Variants in NRG1 observed in about 807,000 individuals in gnomAD.
NRG1 encodes the protein neuregulin 1, also known as pro-neuregulin-1, membrane-bound isoform.
A neutral mutation model predicts 63.8 loss-of-function variants in NRG1; 18 were observed. The observed-to-expected ratio is 0.28, with a 90% CI of 0.19 to 0.42. The LOEUF is 0.42. Among genes scored for constraint, NRG1 ranks in the 10% least tolerant of loss-of-function variants. NRG1 has a pLI of 1.00. For missense variants in NRG1, 762 were observed against 814.7 expected (o/e 0.94, Z 0.79); for synonymous variants, 302 against 301.3 (o/e 1.00, Z -0.02).
intron 1 of NRG1, among the ~76,000 whole-genome samples, chr8:32,199,397 C>T (rs1461114426): frequency 6.6e-6 from 1 of 152,196 alleles, no homozygotes; most frequent in Non-Finnish European, 1.5e-5. Flanking sequence ...ATACTTTTCT[C>T]ATCTATCATC....
chr8:32,736,910 T>C (rs781177481), intron 6 of NRG1, among the ~76,000 whole-genome samples: 10 of 152,084 alleles, frequency 6.6e-5, no homozygotes, highest in Non-Finnish European at 1.0e-4. Context: ...AAATGGAAAA[T>C]AATTTATTCA....
intron 1 of NRG1, among the ~76,000 whole-genome samples, chr8:31,853,068 G>A (rs1827428126): frequency 6.6e-6 from 1 of 151,852 alleles, no homozygotes; most frequent in Non-Finnish European, 1.5e-5. Context: ...TTGTTCTTTT[G>A]GCTCAGGATT....
At chr8:32,478,489 AT>A (rs1824823741) in intron 1 of NRG1, among the ~76,000 whole-genome samples, 1 of 152,234 alleles carries the variant, frequency 6.6e-6, no homozygotes, top group Non-Finnish European at 1.5e-5. Flanking sequence ...TTATTTATTT[AT>A]TTGATACTGT....
intron 1 of NRG1, among the ~76,000 whole-genome samples, chr8:32,191,554 G>A (rs533016052): frequency 7.0e-4 from 106 of 152,234 alleles, no homozygotes; most frequent in African/African-American, 1.8e-3. Flanking sequence ...CTTTTTTGCC[G>A]TAAGAGAAAA....
intron 6 of NRG1, among the ~76,000 whole-genome samples, chr8:32,734,770 A>G (rs1824578441): frequency 6.6e-6 from 1 of 152,202 alleles, no homozygotes; most frequent in African/African-American, 2.4e-5. Context: ...GATTCAGTTT[A>G]GGTGTAGTTT....
intron 1 of NRG1, among the ~76,000 whole-genome samples, chr8:32,110,548 C>T (rs1202075254): frequency 1.3e-5 from 2 of 152,162 alleles, no homozygotes; most frequent in Non-Finnish European, 2.9e-5. Flanking sequence ...GTGAGAATCT[C>T]TCCTTTCTTT....
intron 1 of NRG1, among the ~76,000 whole-genome samples, chr8:31,833,425 G>A (rs921318777): frequency 2.6e-5 from 4 of 152,180 alleles, no homozygotes; most frequent in Non-Finnish European, 2.9e-5. Flanking sequence ...TTCTTACCCC[G>A]GAGTGATTAC....
intron 1 of NRG1, among the ~76,000 whole-genome samples, chr8:31,844,797 T>G (rs1282616018): frequency 6.6e-6 from 1 of 151,756 alleles, no homozygotes; most frequent in Non-Finnish European, 1.5e-5. Flanking sequence ...GAATTTTTTT[T>G]TTTCCTTTTC....
intron 1 of NRG1, among the ~76,000 whole-genome samples, chr8:32,453,122 T>A (rs1821174702): frequency 6.6e-6 from 1 of 152,190 alleles, no homozygotes; most frequent in Non-Finnish European, 1.5e-5. Context: ...CTCATTTAAA[T>A]CTTGCCGTGA....
At position 31,792,186 on chromosome 8, in the gene NRG1, A is replaced by G. The variant is rs192819800; in HGVS notation, c.37+152755A>G. ...AAAGCACATTACTCTTTAAGGAACT[A>G]GAGTATAAATTCAGAAACCTAGAAC... On this transcript the variant is annotated intron_variant, in intron 1 of 10. Coordinates refer to the NRG1 transcript ENST00000519301. 1.4e-3 allele frequency among the ~76,000 whole-genome samples: 211 copies of G among 152,360 alleles called. 2 individuals carry two copies. The highest frequency in any genetic ancestry group is 0.014 in the Middle Eastern group (4 of 294).
intron 1 of NRG1, among the ~76,000 whole-genome samples, chr8:32,091,659 G>C (rs1223863129): frequency 6.6e-6 from 1 of 152,110 alleles, no homozygotes; most frequent in African/African-American, 2.4e-5. Context: ...TGGAGTAGGA[G>C]CTAAAGTCAA....
chr8:31,749,262 T>A (rs1383754591), intron 1 of NRG1, among the ~76,000 whole-genome samples: 2 of 151,866 alleles, frequency 1.3e-5, no homozygotes, highest in Non-Finnish European at 2.9e-5. Flanking sequence ...TTATTTATAG[T>A]TTATTCCGTT....
At chr8:32,762,461 A>G (rs1460043061) in intron 11 of NRG1, among the ~76,000 whole-genome samples, 1 of 152,210 alleles carries the variant, frequency 6.6e-6, no homozygotes, top group Non-Finnish European at 1.5e-5. Flanking sequence ...TTGAATTTAA[A>G]TTAGCATTTC....
At chr8:32,048,528 T>C (rs1821458829) in intron 1 of NRG1, among the ~76,000 whole-genome samples, 1 of 148,790 alleles carries the variant, frequency 6.7e-6, no homozygotes, top group African/African-American at 2.5e-5. Context: ...GTTTTTAATT[T>C]TCTGAGAAAC....
chr8:31,747,593 T>A (rs966792212), intron 1 of NRG1, among the ~76,000 whole-genome samples: 2 of 152,020 alleles, frequency 1.3e-5, no homozygotes, highest in African/African-American at 4.8e-5. Flanking sequence ...TTTCTAGAGT[T>A]TAGGCCCTTC....
At chr8:32,591,487 A>C (rs1347671811) in intron 1 of NRG1, among the ~76,000 whole-genome samples, 1 of 152,098 alleles carries the variant, frequency 6.6e-6, no homozygotes, top group South Asian at 2.1e-4. Flanking sequence ...ACCACTCTGC[A>C]TATGGACCCC....
intron 5 of NRG1, among the ~76,000 whole-genome samples, chr8:32,674,384 A>G (rs1212880500): frequency 2.0e-5 from 3 of 152,224 alleles, no homozygotes; most frequent in Non-Finnish European, 4.4e-5. Flanking sequence ...CACCCTGGGC[A>G]GAGACTTCCT....
chr8:32,669,307 T>C (rs892801442), intron 5 of NRG1, among the ~76,000 whole-genome samples: 1 of 152,202 alleles, frequency 6.6e-6, no homozygotes, highest in Non-Finnish European at 1.5e-5. Context: ...TCTTGATGTA[T>C]CAGGTGTGTT....
intron 1 of NRG1, among the ~76,000 whole-genome samples, chr8:32,491,969 C>T (rs1826637845): frequency 6.6e-6 from 1 of 152,084 alleles, no homozygotes; most frequent in African/African-American, 2.4e-5. Flanking sequence ...TTGAAAATGT[C>T]AAGTCAAATA....
Sources: allele counts gnomAD v4.1 joint callset (sites outside exome capture counted in the v4.1 genomes callset), GRCh38; gene constraint gnomAD v4.1.1; transcripts MANE v1.5; gene names NCBI Gene and HGNC (gene_info 2026-07-23, HGNC 2026-07-21).